MET: variants seen among roughly 807,000 people sequenced by gnomAD.
MET encodes hepatocyte growth factor receptor.
MET carries 48 observed loss-of-function variants against 133.1 expected under a neutral mutation model. That is an observed-to-expected ratio of 0.36 (90% CI 0.29 to 0.46). The LOEUF (loss-of-function observed/expected upper bound fraction) is 0.46, where lower values mean the gene tolerates loss of function less well. MET is among the 20% of genes least tolerant of loss of function. The pLI, the probability that MET is intolerant of heterozygous loss-of-function variation, is 1.00. For missense variants in MET, 1,442 were observed against 1,695.9 expected (o/e 0.85, Z 2.63); for synonymous variants, 628 against 616.5 (o/e 1.02, Z -0.28).
chr7:116,674,688 C>G (rs1390963367), intron 1 of MET, among the ~76,000 whole-genome samples: 5 of 152,212 alleles, frequency 3.3e-5, no homozygotes, highest in Non-Finnish European at 5.9e-5. Context: ...ATGGTGAGCA[C>G]AGTTCCTCAC....
intron 2 of MET, among the ~76,000 whole-genome samples, chr7:116,701,599 A>G (rs1255471934): frequency 6.6e-6 from 1 of 152,184 alleles, no homozygotes; most frequent in Non-Finnish European, 1.5e-5. Flanking sequence ...ATGAATATAC[A>G]TAACATAAAT....
rs1169406106 is a variant in MET, at chr7:116,759,507, A to G, written c.2364+17A>G. 2.5e-6 allele frequency: 4 copies of G among 1,609,858 alleles called. No homozygotes were observed. The African/African-American group carries it at 4.0e-5, about 16-fold the overall frequency. ...TTTACAGTGGTAAGTCCTTTGAGCA[A>G]TGGTTCTACTCAGAGCTCTGCATCT... On this transcript the variant is annotated intron_variant, in intron 10 of 20. Transcript: ENST00000397752.
chr7:116,737,524 C>G (rs1409479274), intron 3 of MET, among the ~76,000 whole-genome samples: 1 of 152,160 alleles, frequency 6.6e-6, no homozygotes, highest in East Asian at 1.9e-4. Flanking sequence ...ATTCTGGCCT[C>G]AGATAAAGCT....
At chr7:116,779,083 A>T in intron 17 of MET, 126 bp downstream of exon 17, 1 of 946,292 alleles carries the variant, frequency 1.1e-6, no homozygotes, top group Non-Finnish European at 1.6e-6. Flanking sequence ...TGTTAGCATC[A>T]TTCAAATGCA....
At position 116,672,549 on chromosome 7, in the gene MET, C is replaced by T. The variant is rs1227206570; in HGVS notation, c.-43C>T. On this transcript the variant is annotated 5_prime_UTR_variant, in exon 1 of 21. Coordinates refer to ENST00000397752, the MANE Select transcript of MET (RefSeq NM_000245.4). ...GCGCGTGTGGTCCTTGCGCCGCTGA[C>T]TTCTCCACTGGTTCCTGGGCACCGA... is the stretch of plus-strand genomic sequence containing the variant. 1 of 396,626 alleles carries T rather than the reference C, an allele frequency of 2.5e-6. No homozygotes were observed. The highest frequency in any genetic ancestry group is 4.4e-6 in the Non-Finnish European group (1 of 224,782). 24.6% of individuals were successfully genotyped at this position (396,626 alleles called of 1,614,324 possible). A position where few individuals can be genotyped will look rare whatever the true frequency, so the allele number is the denominator to read the frequency against.
intron 1 of MET, among the ~76,000 whole-genome samples, chr7:116,693,599 ATGAT>A (rs1462685299): frequency 2.0e-5 from 3 of 152,338 alleles, no homozygotes; most frequent in Middle Eastern, 6.8e-3. Flanking sequence ...GGAAAGCACC[ATGAT>A]TGATTGATTG....
intron 1 of MET, among the ~76,000 whole-genome samples, chr7:116,691,446 T>C (rs1415202298): frequency 2.6e-5 from 4 of 152,360 alleles, no homozygotes; most frequent in Non-Finnish European, 4.4e-5. Flanking sequence ...CTCAAGTTTG[T>C]AGTATTGTCT....
chr7:116,711,007 A>G (rs796186474), intron 2 of MET, among the ~76,000 whole-genome samples: 5 of 152,366 alleles, frequency 3.3e-5, no homozygotes, highest in African/African-American at 1.2e-4. Flanking sequence ...TTCAAGAACT[A>G]GTTAAGAAAC....
intron 12 of MET, 75 bp from the exon 13 acceptor site, chr7:116,771,423 C>T (rs1584954801): frequency 6.3e-6 from 10 of 1,576,614 alleles, no homozygotes; most frequent in Non-Finnish European, 8.7e-6. Flanking sequence ...ATTTGGGACC[C>T]AAAGTGCTAC....
chr7:116,755,487 T>G lies in MET; in HGVS notation c.1834T>G (p.Leu612Val). 1 of 1,614,154 alleles carries G rather than the reference T, an allele frequency of 6.2e-7. No homozygotes were observed. Among genetic ancestry groups the G allele is most frequent in the Non-Finnish European group, 8.5e-7 (1 of 1,179,996 alleles). ...RVLLGNESCT[L>V]TLSESTMNTL... ...TCTCCTTGGAAATGAGAGCTGCACC[T>G]TGACTTTAAGTGAGAGCACGATGAA... The change falls in exon 6 of 21, where the codon TTG becomes GTG. Residue 612 changes from leucine (L) to valine (V), a missense_variant. By Grantham distance (32) the Leu-to-Val change is conservative. Transcript: ENST00000397752.
At chr7:116,746,281 T>C (rs565000347) in intron 5 of MET, among the ~76,000 whole-genome samples, 2 of 152,180 alleles carry the variant, frequency 1.3e-5, no homozygotes, top group African/African-American at 4.8e-5. Flanking sequence ...CAGGAAACAA[T>C]ATGTGCTGGA....
At chr7:116,762,574 T>A (rs1462304982) in intron 10 of MET, among the ~76,000 whole-genome samples, 1 of 152,194 alleles carries the variant, frequency 6.6e-6, no homozygotes, top group South Asian at 2.1e-4. Flanking sequence ...GTATCCAACA[T>A]GGTAAATAGC....
chr7:116,679,625 C>T (rs964784290), intron 1 of MET, among the ~76,000 whole-genome samples: 4 of 152,076 alleles, frequency 2.6e-5, no homozygotes, highest in Admixed American at 6.5e-5. Flanking sequence ...GCTTAGAAAA[C>T]GTAATGCTAT....
At chr7:116,673,080 C>G (rs80154660) in intron 1 of MET, among the ~76,000 whole-genome samples, 4,469 of 152,226 alleles carry the variant, frequency 0.029, 105 homozygotes, top group South Asian at 0.05. Context: ...AATTTTCCAT[C>G]GTACCTTATC....
intron 19 of MET, among the ~76,000 whole-genome samples, chr7:116,788,248 G>GATGAT (rs1795377801): frequency 6.6e-6 from 1 of 152,158 alleles, no homozygotes; most frequent in African/African-American, 2.4e-5. Context: ...ACTGGACTGT[G>GATGAT]ATGATATGAT....
chr7:116,771,995 T>G lies in MET; in HGVS notation c.3028+6T>G, dbSNP rs2116998177. ...CCGAGCTACTTTTCCAGAAGGTATA[T>G]TTCAGTTTATTGTTCTGAGAAATAC... On this transcript the variant is annotated splice_donor_region_variant and intron_variant, in intron 14 of 20. Transcript: ENST00000397752. The G allele has an allele frequency of 6.2e-7, 1 of 1,613,562 alleles. No homozygotes were observed. The highest frequency in any genetic ancestry group is 8.5e-7 in the Non-Finnish European group (1 of 1,179,628).
intron 19 of MET, among the ~76,000 whole-genome samples, chr7:116,794,705 C>T (rs1795616799): frequency 6.6e-6 from 1 of 152,176 alleles, no homozygotes; most frequent in Admixed American, 6.5e-5. Flanking sequence ...CTTATGCTTC[C>T]TACTCTTAGA....
rs759522148 is a variant in MET at position 116,771,522 on chromosome 7, G to A, written c.2755G>A (p.Val919Ile). 81 of 1,613,700 alleles carry A rather than the reference G, an allele frequency of 5.0e-5. No individual in the cohort carries two copies. The highest frequency in any genetic ancestry group is 4.0e-4 in the East Asian group (18 of 44,874). Residue 919 changes from valine to isoleucine, a missense_variant, in exon 13 of 21, where the codon GTC becomes ATC. Transcript: ENST00000397752. ...IEWKQAISST[V>I]LGKVIVQPDQ... is the part of the protein sequence containing the mutation. ...GTGGAAGCAAGCAATTTCTTCAACC[G>A]TCCTTGGAAAAGTAATAGTTCAACC... is the stretch of plus-strand genomic sequence containing the variant.
At chr7:116,713,100 G>A (rs917363288) in intron 2 of MET, among the ~76,000 whole-genome samples, 3 of 152,154 alleles carry the variant, frequency 2.0e-5, no homozygotes, top group Non-Finnish European at 2.9e-5. Context: ...ATGATATATG[G>A]GTTAAGGAAA....
Sources: allele counts gnomAD v4.1 joint callset (sites outside exome capture counted in the v4.1 genomes callset), GRCh38; gene constraint gnomAD v4.1.1; transcripts MANE v1.5; gene names NCBI Gene and HGNC (gene_info 2026-07-23, HGNC 2026-07-21).